Variants in TOR3A observed in about 807,000 individuals in gnomAD.
TOR3A encodes the protein torsin family 3 member A.
TOR3A carries 44 observed loss-of-function variants against 42.1 expected under a neutral mutation model. The observed-to-expected ratio is 1.04, with a 90% CI of 0.82 to 1.34. The LOEUF is 1.34. Among genes scored for constraint, TOR3A ranks in the 40% most tolerant of loss-of-function variants. The probability of loss-of-function intolerance (pLI) is 0.00; values close to 1 mark genes in which losing one functional copy is unlikely to be tolerated. For synonymous variants in TOR3A, 227 were observed against 213.2 expected, an observed-to-expected ratio of 1.06 and a Z score of -0.57; for missense variants, 521 against 507.6, an observed-to-expected ratio of 1.03 and a Z score of -0.25.
Position 179,095,340 on chromosome 1 carries a change from T to TAACA in TOR3A, c.*127_*130dup, listed in dbSNP as rs1408048612. 30 of 1,528,828 alleles carry TAACA rather than the reference T, an allele frequency of 2.0e-5. No individual in the cohort carries two copies. Among genetic ancestry groups the TAACA allele is most frequent in the East Asian group, 6.8e-5 (3 of 44,286 alleles). The allele number at this position is 1,528,828 out of a possible 1,614,324, so 94.7% of individuals were successfully genotyped here. ...GTGTGGACTGGCATCCAGCAGCCAC[T>TAACA]AACAAACACACAACTGGTGTGTAAA... On this transcript the variant is annotated 3_prime_UTR_variant, in exon 6 of 6. Transcript: ENST00000367627.
At chr1:179,090,824 G>A (rs547903142) in intron 4 of TOR3A, among the ~76,000 whole-genome samples, 1 of 152,362 alleles carries the variant, frequency 6.6e-6, no homozygotes, top group African/African-American at 2.4e-5. Flanking sequence ...CGGAGCTGCT[G>A]CCCTGTTCTC....
intron 4 of TOR3A, among the ~76,000 whole-genome samples, chr1:179,093,863 A>T (rs530262322): frequency 5.9e-5 from 9 of 152,244 alleles, no homozygotes; most frequent in African/African-American, 1.9e-4. Flanking sequence ...AGTCTCAGTA[A>T]GTGTGTGTCA....
intron 2 of TOR3A, among the ~76,000 whole-genome samples, chr1:179,083,308 A>G (rs1215294462): frequency 1.3e-5 from 2 of 149,032 alleles, no homozygotes; most frequent in African/African-American, 5.0e-5. Flanking sequence ...CACTCTAAAC[A>G]GAAACAGCTA....
chr1:179,087,355 C>T (rs1463255223), intron 3 of TOR3A, among the ~76,000 whole-genome samples: 1 of 152,170 alleles, frequency 6.6e-6, no homozygotes, highest in African/African-American at 2.4e-5. Context: ...TGCCAGTGGG[C>T]GCTCTGCACC....
At chr1:179,088,131 G>A (rs748393794) in intron 4 of TOR3A, 42 bp downstream of exon 4, 3 of 1,509,422 alleles carry the variant, frequency 2.0e-6, no homozygotes, top group South Asian at 2.7e-5. Context: ...TGGGGGAGGG[G>A]AAGATACTAG....
At chr1:179,083,581 C>G (rs967411508) in intron 2 of TOR3A, among the ~76,000 whole-genome samples, 4 of 102,640 alleles carry the variant, frequency 3.9e-5, no homozygotes, top group Admixed American at 2.3e-4. Context: ...TTAGTAGAGG[C>G]GGGGGGGGGG....
chr1:179,093,820 T>G (rs1365944467), intron 4 of TOR3A, among the ~76,000 whole-genome samples: 1 of 152,160 alleles, frequency 6.6e-6, no homozygotes, highest in East Asian at 1.9e-4. Flanking sequence ...GAACCATATC[T>G]TACCATCTTT....
chr1:179,083,676 T>C (rs1652359390), intron 2 of TOR3A, among the ~76,000 whole-genome samples: 1 of 150,590 alleles, frequency 6.6e-6, no homozygotes, highest in African/African-American at 2.4e-5. Context: ...CCAAGAGTGC[T>C]GTGATTACAG....
chr1:179,093,785 C>T (rs1652657931), intron 4 of TOR3A, among the ~76,000 whole-genome samples: 2 of 152,222 alleles, frequency 1.3e-5, no homozygotes, highest in Non-Finnish European at 2.9e-5. Context: ...ACCGAATACA[C>T]GGATGCCCCT....
chr1:179,094,017 T>C (rs1652666298), intron 4 of TOR3A, 76 bp from the exon 5 acceptor site: 3 of 1,540,880 alleles, frequency 1.9e-6, no homozygotes, highest in Admixed American at 1.9e-5. Flanking sequence ...CACTAATGCA[T>C]TGGTTTCAGC....
In TOR3A at chr1:179,082,396, C is replaced by T; in HGVS notation, c.259+9C>T. The stretch of plus-strand genomic sequence containing the variant: ...AGCCACGGGGCCCCTGGGTAAGACC[C>T]CGTCCCCACGGTCCGCCGTTCGCTG... On this transcript the variant is annotated intron_variant, in intron 1 of 5. Transcript: ENST00000367627. The T allele has an allele frequency of 6.3e-7, 1 of 1,595,180 alleles. No individual in the cohort carries two copies. Among genetic ancestry groups the T allele is most frequent in the Non-Finnish European group, 8.5e-7 (1 of 1,173,590 alleles).
Position 179,085,701 on chromosome 1 carries a change from G to A in TOR3A, c.447G>A (p.Arg149=), listed in dbSNP as rs780443892. The stretch of plus-strand genomic sequence containing the variant: ...AGCAGCTGGTCCTAAGAACAGTGAG[G>A]GGCTACTTAGAGACGCCCCAGCCAG... ...LVQQLVLRTV[R]GYLETPQPEK... is the part of the protein sequence containing the mutation. The change falls in exon 3 of 6, where the codon AGG becomes AGA. Residue 149 remains arginine (R), a synonymous_variant. Coordinates refer to ENST00000367627, the MANE Select transcript of TOR3A (RefSeq NM_022371.4). The A allele has an allele frequency of 2.5e-6, 4 of 1,614,232 alleles. No individual in the cohort carries two copies. In the Admixed American group the frequency reaches 5.0e-5, roughly 20 times the overall value.
chr1:179,085,345 A>C (rs1652398899), intron 2 of TOR3A: 1 of 343,888 alleles, frequency 2.9e-6, no homozygotes, highest in South Asian at 3.8e-5. Flanking sequence ...AATCGCTTGA[A>C]CCAGGGAGGC....
At position 179,094,111 on chromosome 1, in the gene TOR3A, A is replaced by G; in HGVS notation, c.837A>G (p.Ile279Met). Residue 279 changes from isoleucine (I) to methionine (M), a missense_variant, in exon 5 of 6, where the codon ATA becomes ATG. Ile to Met is a conservative substitution (Grantham distance 10). Transcript: ENST00000367627. ...FLFLSNLRGD[I>M]INEVVLKLLK... is the part of the protein sequence containing the mutation. ...CTTTCAGTAATCTCAGGGGCGATATAATCAATGAGGTGGTCCTAAAGTTGC... is the reference window on the plus strand; with the variant it reads ...CTTTCAGTAATCTCAGGGGCGATATGATCAATGAGGTGGTCCTAAAGTTGC... 2 of 1,613,942 alleles carry G rather than the reference A, an allele frequency of 1.2e-6. No homozygotes were observed. The highest frequency in any genetic ancestry group is 1.7e-6 in the Non-Finnish European group (2 of 1,179,896).
Position 179,095,428 on chromosome 1 carries a change from A to T in TOR3A, c.*210A>T, listed in dbSNP as rs190431521. The T allele has an allele frequency of 1.3e-4, 185 of 1,408,222 alleles. 2 individuals carry two copies. In the African/African-American group the frequency reaches 2.0e-3, roughly 15 times the overall value. 87.2% of individuals were successfully genotyped at this position (1,408,222 alleles called of 1,614,324 possible). Reference sequence around the variant, plus strand: ...TCTTTTTTTTGGAGGTCCCACCGAGATAGATAGGAACTTGGATTGCTGAAT... The same window carrying T: ...TCTTTTTTTTGGAGGTCCCACCGAGTTAGATAGGAACTTGGATTGCTGAAT... On this transcript the variant is annotated 3_prime_UTR_variant, in exon 6 of 6. Coordinates refer to ENST00000367627, the MANE Select transcript of TOR3A (RefSeq NM_022371.4).
chr1:179,093,990 G>A, intron 4 of TOR3A, 103 bp from the exon 5 acceptor site: 1 of 1,434,046 alleles, frequency 7.0e-7, no homozygotes, highest in Non-Finnish European at 9.4e-7. Context: ...ACGCCCCTCA[G>A]CCTCTATTCT....
intron 4 of TOR3A, among the ~76,000 whole-genome samples, chr1:179,089,079 G>C (rs1652510627): frequency 6.6e-6 from 1 of 152,296 alleles, no homozygotes; most frequent in East Asian, 1.9e-4. Context: ...GAAGGGTTGA[G>C]CTGTGGAGGG....
chr1:179,087,114 G>A (rs1002153783), intron 3 of TOR3A, among the ~76,000 whole-genome samples: 2 of 152,244 alleles, frequency 1.3e-5, no homozygotes, highest in African/African-American at 4.8e-5. Context: ...CCCCACAAAG[G>A]TGCACCCAGT....
rs149941828 is a variant in TOR3A at position 179,094,170 on chromosome 1, T to A, written c.896T>A (p.Met299Lys). 5.1e-5 allele frequency: 83 copies of A among 1,613,922 alleles called. No individual in the cohort carries two copies. Among genetic ancestry groups the A allele is most frequent in the Admixed American group, 1.2e-4 (7 of 60,000 alleles). ...KAGWSREEIT[M>K]EHLEPHLQAE... ...GGATGGTCCCGGGAAGAAATTACGATGGAACACCTGGAGCCCCACCTCCAG... is the reference window on the plus strand; with the variant it reads ...GGATGGTCCCGGGAAGAAATTACGAAGGAACACCTGGAGCCCCACCTCCAG... Residue 299 changes from methionine to lysine, a missense_variant, in exon 5 of 6, where the codon ATG (methionine) becomes AAG (lysine). By Grantham distance (95) the Met-to-Lys change is moderately conservative. Coordinates refer to ENST00000367627, the MANE Select transcript of TOR3A (RefSeq NM_022371.4).
Sources: gnomAD v4.1 joint callset for allele counts (sites outside exome capture counted in the v4.1 genomes callset) on GRCh38, gnomAD v4.1.1 for gene constraint, MANE v1.5 for transcripts, NCBI Gene and HGNC (gene_info 2026-07-23, HGNC 2026-07-21) for gene names.